Variants in PRKCE observed in about 807,000 individuals in gnomAD.
The protein encoded by PRKCE is protein kinase C epsilon, also known as protein kinase C epsilon type.
Under a neutral mutation model 85.4 loss-of-function variants are expected in PRKCE, and 16 were observed. That is an observed-to-expected ratio of 0.19 (90% CI 0.13 to 0.28). The LOEUF is 0.28. Ranked by LOEUF, PRKCE falls within the 10% of genes least tolerant of loss-of-function variation. The probability of loss-of-function intolerance (pLI) is 1.00; values close to 1 mark genes in which losing one functional copy is unlikely to be tolerated. For synonymous variants in PRKCE, 388 were observed against 371.5 expected, an observed-to-expected ratio of 1.04 and a Z score of -0.51; for missense variants, 573 against 975.2, an observed-to-expected ratio of 0.59 and a Z score of 5.49.
At chr2:45,873,999 T>C (rs1694285909) in intron 2 of PRKCE, among the ~76,000 whole-genome samples, 1 of 152,268 alleles carries the variant, frequency 6.6e-6, no homozygotes, top group South Asian at 2.1e-4. Context: ...TTTACCTTTT[T>C]GAACATTTTC....
At chr2:45,932,745 G>A (rs1194974846) in intron 2 of PRKCE, among the ~76,000 whole-genome samples, 3 of 152,024 alleles carry the variant, frequency 2.0e-5, no homozygotes, top group Admixed American at 1.3e-4. Flanking sequence ...AACCTTTTTC[G>A]TCTTTCCAAG....
rs1233214216 is a variant in PRKCE, at chr2:45,895,834, C to T, written c.412+52771C>T. On this transcript the variant is annotated intron_variant, in intron 2 of 14. Transcript: ENST00000306156. This position sits in a 1 kb window ranked among gnomAD's most constrained non-coding sequence, Gnocchi z 4.8. Reference sequence around the variant, plus strand: ...AGGTGTAGAGGAAGTGCTGTAGGGCCGCAGGGGTTGGGGCTGTGATAGAGA... The same window carrying T: ...AGGTGTAGAGGAAGTGCTGTAGGGCTGCAGGGGTTGGGGCTGTGATAGAGA... Among the ~76,000 whole-genome samples the T allele has an allele frequency of 6.6e-6, 1 of 152,072 alleles. No homozygotes were observed.
intron 11 of PRKCE, among the ~76,000 whole-genome samples, chr2:46,120,984 G>A (rs958648299): frequency 6.6e-5 from 10 of 152,304 alleles, no homozygotes; most frequent in African/African-American, 2.4e-4. Context: ...ACATGATCAG[G>A]AAGATGATTT....
intron 8 of PRKCE, 129 bp from the exon 9 acceptor site, chr2:46,007,333 C>A: frequency 1.2e-6 from 1 of 857,372 alleles, no homozygotes; most frequent in Non-Finnish European, 1.8e-6. Flanking sequence ...AGGGATGTCA[C>A]ACTGGATCTG....
At chr2:45,727,698 A>T (rs1381275545) in intron 1 of PRKCE, among the ~76,000 whole-genome samples, 1 of 152,134 alleles carries the variant, frequency 6.6e-6, no homozygotes, top group African/African-American at 2.4e-5. Flanking sequence ...TCTGTCACCC[A>T]GGCTAGAGTG....
chr2:45,770,416 T>G (rs928060157), intron 1 of PRKCE, among the ~76,000 whole-genome samples: 2 of 152,242 alleles, frequency 1.3e-5, no homozygotes, highest in African/African-American at 4.8e-5. Context: ...TCACGTAGAC[T>G]GTAATTTTTG....
intron 1 of PRKCE, among the ~76,000 whole-genome samples, chr2:45,718,992 C>T (rs1680382912): frequency 6.6e-6 from 1 of 152,194 alleles, no homozygotes; most frequent in Admixed American, 6.5e-5. Flanking sequence ...TAAAAGTCAC[C>T]TAAAGAATTG....
At chr2:45,887,958 T>G (rs1437640374) in intron 2 of PRKCE, among the ~76,000 whole-genome samples, 33 of 152,134 alleles carry the variant, frequency 2.2e-4, no homozygotes, top group Admixed American at 2.2e-3. Context: ...TCTGCCCACA[T>G]AGGAGAGGTG....
At chr2:46,165,441 C>T (rs1179383175) in intron 14 of PRKCE, among the ~76,000 whole-genome samples, 3 of 152,238 alleles carry the variant, frequency 2.0e-5, no homozygotes, top group African/African-American at 7.2e-5. Context: ...GTGGCAAATA[C>T]TCCAGCACTG....
At chr2:46,057,557 C>T (rs924127322) in intron 10 of PRKCE, among the ~76,000 whole-genome samples, 16 of 151,946 alleles carry the variant, frequency 1.1e-4, no homozygotes, top group African/African-American at 3.6e-4. Flanking sequence ...GCTTCAGCCT[C>T]CCGAGTAGCT....
chr2:45,896,694 G>A (rs1237442191), intron 2 of PRKCE, among the ~76,000 whole-genome samples: 1 of 152,182 alleles, frequency 6.6e-6, no homozygotes, highest in Non-Finnish European at 1.5e-5. Context: ...TATGCAGTTG[G>A]CAAATAATCC....
intron 6 of PRKCE, among the ~76,000 whole-genome samples, chr2:45,987,092 T>C (rs1310250080): frequency 2.6e-5 from 4 of 151,844 alleles, no homozygotes; most frequent in South Asian, 4.1e-4. Context: ...GAAGATACTA[T>C]CATCATAAAT....
At chr2:45,752,059 C>T (rs1166481933) in intron 1 of PRKCE, among the ~76,000 whole-genome samples, 15 of 151,116 alleles carry the variant, frequency 9.9e-5, no homozygotes, top group Non-Finnish European at 1.8e-4. Flanking sequence ...CCTCGTGATC[C>T]GCCCGCCTCG....
chr2:45,659,134 G>A (rs1466289867), intron 1 of PRKCE, among the ~76,000 whole-genome samples: 2 of 152,196 alleles, frequency 1.3e-5, no homozygotes, highest in East Asian at 1.9e-4. Flanking sequence ...TTGCCTTCAG[G>A]TCCTCAGCTT....
At chr2:45,719,512 G>C (rs1436412871) in intron 1 of PRKCE, among the ~76,000 whole-genome samples, 1 of 152,186 alleles carries the variant, frequency 6.6e-6, no homozygotes, top group African/African-American at 2.4e-5. Context: ...GAAAGCAATG[G>C]CGGGCAGTTG....
Position 45,895,274 on chromosome 2 carries a change from A to G in PRKCE, c.412+52211A>G, listed in dbSNP as rs561519200. ...CTGTCGGTTGTAGAGGTGCCCCTTC[A>G]GTACACACACAGCTACGGTAACAGT... is the stretch of plus-strand genomic sequence containing the variant. On this transcript the variant is annotated intron_variant, in intron 2 of 14. Transcript: ENST00000306156. This position sits in a 1 kb window ranked among gnomAD's most constrained non-coding sequence, Gnocchi z 4.8. 7.2e-5 allele frequency among the ~76,000 whole-genome samples: 11 copies of G among 152,316 alleles called. No homozygotes were observed. In the South Asian group the frequency reaches 2.3e-3, roughly 32 times the overall value.
chr2:45,686,717 G>A (rs972973054), intron 1 of PRKCE, among the ~76,000 whole-genome samples: 1 of 152,142 alleles, frequency 6.6e-6, no homozygotes, highest in African/African-American at 2.4e-5. Context: ...ACTGAATATA[G>A]TTTAATATAT....
intron 1 of PRKCE, among the ~76,000 whole-genome samples, chr2:45,784,104 A>G (rs1686407458): frequency 6.6e-6 from 1 of 152,272 alleles, no homozygotes; most frequent in African/African-American, 2.4e-5. Flanking sequence ...GGTCTAGTTG[A>G]AGGAATGAAG....
intron 1 of PRKCE, among the ~76,000 whole-genome samples, chr2:45,775,628 A>G (rs908318414): frequency 6.6e-6 from 1 of 152,044 alleles, no homozygotes; most frequent in Non-Finnish European, 1.5e-5. Context: ...CATTTCCACT[A>G]CCCTGGTCTG....
Sources: allele counts gnomAD v4.1 joint callset (sites outside exome capture counted in the v4.1 genomes callset), GRCh38; gene constraint gnomAD v4.1.1; non-coding constraint Gnocchi (gnomAD v3.1); transcripts MANE v1.5; gene names NCBI Gene and HGNC (gene_info 2026-07-23, HGNC 2026-07-21).